Variants in ZNF318 observed in about 807,000 individuals in gnomAD.
ZNF318 encodes the protein zinc finger protein 318, also known as endocrine regulator.
In ZNF318, 51 loss-of-function variants were observed where a neutral mutation model predicts 124.2. The ratio of observed to expected loss-of-function variants is 0.41; its 90% CI spans 0.33 to 0.52. The LOEUF (loss-of-function observed/expected upper bound fraction) is 0.52. ZNF318 is among the 20% of genes least tolerant of loss of function. The pLI, the probability that ZNF318 is intolerant of heterozygous loss-of-function variation, is 0.23. For synonymous variants in ZNF318, 1,090 were observed against 1,040.7 expected (o/e 1.05, Z -0.91); for missense variants, 2,815 against 2,811.2 (o/e 1.00, Z -0.03).
chr6:43,368,941 G>A, intron 1 of ZNF318, 26 bp downstream of exon 1: 2 of 1,365,190 alleles, frequency 1.5e-6, no homozygotes, highest in South Asian at 1.6e-5. Flanking sequence ...GGGATGGAGG[G>A]AGTCCTGGAC....
intron 2 of ZNF318, among the ~76,000 whole-genome samples, chr6:43,360,279 C>A (rs1047939474): frequency 6.6e-6 from 1 of 152,160 alleles, no homozygotes; most frequent in African/African-American, 2.4e-5. Context: ...AAACAGTTTT[C>A]TTAAAAAAGC....
Position 43,340,127 on chromosome 6 carries a change from C to A in ZNF318, c.3871G>T (p.Val1291Leu), listed in dbSNP as rs1562128602. ...PEKEEEKSSL[V>L]TPSISKEEIL... ...TCTTCTTTAGAGATACTTGGGGTCA[C>A]CAATGAACTTTTCTCCTCTTCTTTT... Residue 1291 changes from valine to leucine, a missense_variant, in exon 10 of 10, where the codon GTG becomes TTG. Val to Leu is a conservative substitution (Grantham distance 32). Transcript: ENST00000361428. 2 of 1,614,172 alleles carry A rather than the reference C, an allele frequency of 1.2e-6. No individual in the cohort carries two copies. The highest frequency in any genetic ancestry group is 2.2e-5 in the East Asian group (1 of 44,888).
chr6:43,360,295 C>A (rs2150756359), intron 2 of ZNF318, among the ~76,000 whole-genome samples: 1 of 152,298 alleles, frequency 6.6e-6, no homozygotes, highest in East Asian at 1.9e-4. Flanking sequence ...AAAGCTATCA[C>A]ATACATATAG....
At chr6:43,342,347 G>GT (rs1227775892) in intron 7 of ZNF318, 136 bp from the exon 8 acceptor site, 3 of 612,534 alleles carry the variant, frequency 4.9e-6, no homozygotes, top group Non-Finnish European at 8.0e-6. Context: ...TCTGCCAACT[G>GT]TTTTAATGGA....
chr6:43,341,880 G>A (rs1779376884), intron 8 of ZNF318, among the ~76,000 whole-genome samples: 1 of 152,180 alleles, frequency 6.6e-6, no homozygotes, highest in Admixed American at 6.5e-5. Flanking sequence ...ACATGTCTAT[G>A]TTTAACATCT....
In ZNF318 at chr6:43,355,981, G is replaced by T; in HGVS notation, c.1353C>A (p.Tyr451Ter). Residue 451 changes from tyrosine to a stop codon, truncating the protein, a stop_gained, in exon 4 of 10, where the codon TAC becomes TAA. Coordinates refer to ENST00000361428, the MANE Select transcript of ZNF318 (RefSeq NM_014345.3). LOFTEE classifies it high-confidence loss of function. ...GAATCCCAGGAAGGGGACCCCATTG[G>T]TAGAGGTTGCCCTGAGGTTCCTTCA... ...TALKEPQGNL[Y>*]QWGPLPGIPK... The T allele has an allele frequency of 6.2e-7, 1 of 1,614,174 alleles. No homozygotes were observed. The highest frequency in any genetic ancestry group is 1.7e-5 in the Admixed American group (1 of 60,010).
rs1417358941 is a variant in ZNF318 at position 43,355,212 on chromosome 6, T to C, written c.2122A>G (p.Asn708Asp). ...TCAGACTTTAGGAATGGAGGGCTGT[T>C]TTTTGTGAGCAGGTAAGGATCCACA... ...SPVDPYLLTKNSPPFLKSDHP... is the reference protein window; with the variant it reads ...SPVDPYLLTKDSPPFLKSDHP... Residue 708 changes from asparagine (N) to aspartate (D), a missense_variant, in exon 4 of 10, where the codon AAC (asparagine) becomes GAC (aspartate). Transcript: ENST00000361428. The C allele has an allele frequency of 6.2e-7, 1 of 1,614,076 alleles. No individual in the cohort carries two copies. The highest frequency in any genetic ancestry group is 1.3e-5 in the African/African-American group (1 of 74,926).
rs1779593955 is a variant in ZNF318, at chr6:43,355,510, A to C, written c.1824T>G (p.Ile608Met). ...CCTGGGTGCGTGCAGCCAATTGACT[A>C]ATCTCTGCTACTCCAATATCCAGCC... ...TIGLDIGVAE[I>M]SQLAARTQER... The change falls in exon 4 of 10, where the codon ATT (isoleucine) becomes ATG (methionine). Residue 608 changes from isoleucine to methionine, a missense_variant. Physicochemically the swap from Ile to Met is conservative, Grantham distance 10. Transcript: ENST00000361428. 8.7e-6 allele frequency: 14 copies of C among 1,614,070 alleles called. No homozygotes were observed. Among genetic ancestry groups the C allele is most frequent in the African/African-American group, 1.3e-5 (1 of 74,926 alleles).
Position 43,369,432 on chromosome 6 carries a change from G to T in ZNF318, c.-67C>A. On this transcript the variant is annotated 5_prime_UTR_variant, in exon 1 of 10. Coordinates refer to ENST00000361428, the MANE Select transcript of ZNF318 (RefSeq NM_014345.3). ...GGCGCCCTAGACGCAGGCTCGGAGC[G>T]CGCCGCCGCAGCTGCAGCCGCCGCC... 8.8e-7 allele frequency: 1 copy of T among 1,133,540 alleles called. No homozygotes were observed. The highest frequency in any genetic ancestry group is 1.1e-6 in the Non-Finnish European group (1 of 921,280). The allele number at this position is 1,133,540 out of a possible 1,614,324, so 70.2% of individuals were successfully genotyped here.
At chr6:43,359,944 AG>A (rs916641942) in intron 2 of ZNF318, among the ~76,000 whole-genome samples, 33 of 152,232 alleles carry the variant, frequency 2.2e-4, no homozygotes, top group African/African-American at 7.2e-4. Context: ...TTTTCTCTAT[AG>A]GTCTGTCAGC....
chr6:43,354,121 G>A (rs972102033), intron 4 of ZNF318, among the ~76,000 whole-genome samples: 8 of 151,700 alleles, frequency 5.3e-5, no homozygotes, highest in African/African-American at 1.5e-4. Flanking sequence ...ACACACACAC[G>A]TAATTTTTTA....
In ZNF318 at chr6:43,354,902, G is replaced by C; in HGVS notation, c.2432C>G (p.Ser811Ter). 6.2e-7 allele frequency: 1 copy of C among 1,613,206 alleles called. No individual in the cohort carries two copies. The highest frequency in any genetic ancestry group is 8.5e-7 in the Non-Finnish European group (1 of 1,179,272). The part of the protein sequence containing the change: ...RWPMYPTSQP[S>*]NHPVPEPHRI... Reference sequence around the variant, plus strand: ...GTGTGGTTCAGGTACAGGGTGGTTTGACGGTTGAGAGGTGGGATACATGGG... The same window carrying C: ...GTGTGGTTCAGGTACAGGGTGGTTTCACGGTTGAGAGGTGGGATACATGGG... Residue 811 changes from serine to a stop codon, truncating the protein, a stop_gained, in exon 4 of 10, where the codon TCA becomes TGA. Transcript: ENST00000361428. LOFTEE classifies it high-confidence loss of function.
chr6:43,360,498 T>C (rs572805200), intron 2 of ZNF318, among the ~76,000 whole-genome samples: 1 of 152,300 alleles, frequency 6.6e-6, no homozygotes, highest in African/African-American at 2.4e-5. Flanking sequence ...AGTCTATCTA[T>C]TTAAAAAAAC....
Position 43,369,442 on chromosome 6 carries a change from AGCTGC to A in ZNF318, c.-82_-78del. Reference sequence around the variant, plus strand: ...ACGCAGGCTCGGAGCGCGCCGCCGCAGCTGCAGCCGCCGCCACCTCGGCCGCTGCG... The same window carrying A: ...ACGCAGGCTCGGAGCGCGCCGCCGCAAGCCGCCGCCACCTCGGCCGCTGCG... On this transcript the variant is annotated 5_prime_UTR_variant, in exon 1 of 10. Transcript: ENST00000361428. 2.7e-6 allele frequency: 3 copies of A among 1,102,324 alleles called. No individual in the cohort carries two copies. Among genetic ancestry groups the A allele is most frequent in the Non-Finnish European group, 3.3e-6 (3 of 895,812 alleles). The allele number at this position is 1,102,324 out of a possible 1,614,324, so 68.3% of individuals were successfully genotyped here.
chr6:43,368,871 G>C (rs1330781759), intron 1 of ZNF318, 96 bp downstream of exon 1: 17 of 1,245,532 alleles, frequency 1.4e-5, no homozygotes, highest in Non-Finnish European at 1.6e-5. Flanking sequence ...TCGCGCTTAG[G>C]ACCCTGGTCT....
intron 1 of ZNF318, among the ~76,000 whole-genome samples, chr6:43,366,971 C>T (rs926900339): frequency 6.6e-6 from 1 of 152,124 alleles, no homozygotes; most frequent in Non-Finnish European, 1.5e-5. Context: ...CCTGCCTCAG[C>T]CTCCCAAGTA....
Position 43,337,811 on chromosome 6 carries a change from C to G in ZNF318, c.6187G>C (p.Glu2063Gln). 4 of 1,614,142 alleles carry G rather than the reference C, an allele frequency of 2.5e-6. No individual in the cohort carries two copies. Among genetic ancestry groups the G allele is most frequent in the Non-Finnish European group, 3.4e-6 (4 of 1,180,040 alleles). The change falls in exon 10 of 10, where the codon GAA becomes CAA. Residue 2063 changes from glutamate (E) to glutamine (Q), a missense_variant. Physicochemically the swap from Glu to Gln is conservative, Grantham distance 29. Coordinates refer to ENST00000361428, the MANE Select transcript of ZNF318 (RefSeq NM_014345.3). ...GCNSSDPADF[E>Q]PIPSFSGFPL... is the part of the protein sequence containing the mutation. ...AACCCAGAAAAAGATGGGATTGGTTCGAAGTCAGCGGGATCGGAGGAATTA... is the reference window on the plus strand; with the variant it reads ...AACCCAGAAAAAGATGGGATTGGTTGGAAGTCAGCGGGATCGGAGGAATTA...
At position 43,339,563 on chromosome 6, in the gene ZNF318, T is replaced by C. The variant is rs1309989592; in HGVS notation, c.4435A>G (p.Asn1479Asp). 3 of 1,613,476 alleles carry C rather than the reference T, an allele frequency of 1.9e-6. No individual in the cohort carries two copies. The highest frequency in any genetic ancestry group is 2.5e-6 in the Non-Finnish European group (3 of 1,179,892). The change falls in exon 10 of 10, where the codon AAC (asparagine) becomes GAC (aspartate). Residue 1479 changes from asparagine to aspartate, a missense_variant. By Grantham distance (23) the Asn-to-Asp change is conservative. This residue lies in a region of ZNF318 where 500 missense variants were observed against 605.2 expected (regional missense o/e 0.83). Coordinates refer to ENST00000361428, the MANE Select transcript of ZNF318 (RefSeq NM_014345.3). This position sits in a 1 kb window ranked among gnomAD's most constrained non-coding sequence, Gnocchi z 4.2. ...CTGAGAGTCTGAGATACAACTGGGTTTGATTTTACTGGAGCCAAGATAGCA... is the reference window on the plus strand; with the variant it reads ...CTGAGAGTCTGAGATACAACTGGGTCTGATTTTACTGGAGCCAAGATAGCA... ...ANAILAPVKS[N>D]PVVSQTLSPG... is the part of the protein sequence containing the mutation.
chr6:43,356,884 T>C (rs894531321), intron 3 of ZNF318, among the ~76,000 whole-genome samples: 1 of 152,058 alleles, frequency 6.6e-6, no homozygotes, highest in Non-Finnish European at 1.5e-5. Flanking sequence ...GTAAAAAAAC[T>C]TACAGTACTC....
Sources: allele counts gnomAD v4.1 joint callset (sites outside exome capture counted in the v4.1 genomes callset), GRCh38; gene constraint gnomAD v4.1.1; regional missense constraint gnomAD v4.1.1; non-coding constraint Gnocchi (gnomAD v3.1); transcripts MANE v1.5; gene names NCBI Gene and HGNC (gene_info 2026-07-23, HGNC 2026-07-21).